DIP2A: variants seen among roughly 807,000 people sequenced by gnomAD.
DIP2A encodes disco-interacting protein 2 homolog A.
In DIP2A, 85 loss-of-function variants were observed where a neutral mutation model predicts 177.4. That is an observed-to-expected ratio of 0.48 (90% CI 0.40 to 0.57). The LOEUF is 0.57. DIP2A is among the 20% of genes least tolerant of loss of function. The pLI is 0.00. For missense variants in DIP2A, 1,791 were observed against 2,100.2 expected (o/e 0.85, Z 2.88); for synonymous variants, 886 against 881.8 (o/e 1.00, Z -0.08).
intron 36 of DIP2A, among the ~76,000 whole-genome samples, chr21:46,566,335 G>A (rs150097903): frequency 7.2e-5 from 11 of 152,132 alleles, no homozygotes; most frequent in Non-Finnish European, 1.2e-4. Flanking sequence ...TTAATAATAC[G>A]CTCACACTTG....
chr21:46,532,075 G>A, intron 9 of DIP2A, 52 bp from the exon 10 acceptor site: 3 of 1,520,734 alleles, frequency 2.0e-6, no homozygotes, highest in Non-Finnish European at 2.7e-6. Context: ...AATTTAACTA[G>A]ATATTGTAAA....
Position 46,557,314 on chromosome 21 carries a change from A to G in DIP2A, c.3629+245A>G. The G allele has an allele frequency of 1.6e-6, 1 of 622,848 alleles. No individual in the cohort carries two copies. The allele number at this position is 622,848 out of a possible 1,614,324, so 38.6% of individuals were successfully genotyped here. ...TCTGCTTGATTCCTTCAAACACTAGAAAGTGGCGATCCGTCTCTAGAAGTG... is the reference window on the plus strand; with the variant it reads ...TCTGCTTGATTCCTTCAAACACTAGGAAGTGGCGATCCGTCTCTAGAAGTG... On this transcript the variant is annotated intron_variant, in intron 30 of 37. Transcript: ENST00000417564. This position sits in a 1 kb window ranked among gnomAD's most constrained non-coding sequence, Gnocchi z 6.0.
chr21:46,556,682 CAAA>C lies in DIP2A; in HGVS notation c.3499-245_3499-243del, dbSNP rs1246910364. ...TGGGCGACAGAGCAAGACTCTGCCT[CAAA>C]AAAAAAAAAAAGAAAAAAATTTTAA... is the stretch of plus-strand genomic sequence containing the variant. On this transcript the variant is annotated intron_variant, in intron 29 of 37. Coordinates refer to ENST00000417564, the MANE Select transcript of DIP2A (RefSeq NM_015151.4). This position sits in a 1 kb window ranked among gnomAD's most constrained non-coding sequence, Gnocchi z 4.5. 2.3e-3 allele frequency: 522 copies of C among 229,622 alleles called. No homozygotes were observed. Among genetic ancestry groups the C allele is most frequent in the South Asian group, 3.8e-3 (58 of 15,100 alleles). The allele number at this position is 229,622 out of a possible 1,614,324, so 14.2% of individuals were successfully genotyped here. A position where few individuals can be genotyped will look rare whatever the true frequency, so the allele number is the denominator to read the frequency against.
intron 35 of DIP2A, 113 bp from the exon 36 acceptor site, chr21:46,565,600 C>A: frequency 8.9e-7 from 1 of 1,117,422 alleles, no homozygotes. Flanking sequence ...TTATCCGCCC[C>A]GACTTCGTTC....
chr21:46,529,020 G>C, intron 8 of DIP2A, 72 bp from the exon 9 acceptor site: 1 of 936,792 alleles, frequency 1.1e-6, no homozygotes, highest in Non-Finnish European at 1.6e-6. Context: ...GGGGTATTTT[G>C]GTTTCTACAT....
At chr21:46,550,059 A>G in intron 22 of DIP2A, 174 bp downstream of exon 22, 1 of 1,411,718 alleles carries the variant, frequency 7.1e-7, no homozygotes, top group Non-Finnish European at 9.3e-7. Flanking sequence ...TTTACGGGAT[A>G]CAAAGTGATG....
intron 34 of DIP2A, among the ~76,000 whole-genome samples, chr21:46,562,880 G>A (rs1320657625): frequency 6.6e-6 from 1 of 152,194 alleles, no homozygotes; most frequent in Non-Finnish European, 1.5e-5. Context: ...AGCCGCCATC[G>A]CACACAGCTC....
intron 10 of DIP2A, 33 bp from the exon 11 acceptor site, chr21:46,533,491 C>A: frequency 6.2e-7 from 1 of 1,603,990 alleles, no homozygotes; most frequent in Non-Finnish European, 8.5e-7. Flanking sequence ...GCTGTGAGCA[C>A]CCCACCCCAC....
intron 20 of DIP2A, chr21:46,546,224 G>A (rs1485106204): frequency 2.6e-5 from 34 of 1,288,416 alleles, no homozygotes; most frequent in Non-Finnish European, 3.3e-5. Context: ...TATATGGAGT[G>A]GCAGGTTTGT....
intron 8 of DIP2A, among the ~76,000 whole-genome samples, chr21:46,518,546 A>C (rs9981212): frequency 0.36 from 54,176 of 152,120 alleles, 10,000 homozygotes; most frequent in Middle Eastern, 0.45. Context: ...TACCCCTTGA[A>C]TCTTTTACAC....
chr21:46,546,299 A>G (rs1396045989), intron 20 of DIP2A: 16 of 1,077,758 alleles, frequency 1.5e-5, no homozygotes, highest in East Asian at 1.2e-4. Flanking sequence ...AAATGCTTCT[A>G]TTTGTAACAT....
chr21:46,536,172 A>G lies in DIP2A; in HGVS notation c.1643-1052A>G, dbSNP rs114957000. Among the ~76,000 whole-genome samples, 550 of 152,346 alleles carry G rather than the reference A, an allele frequency of 3.6e-3. 3 individuals carry two copies. Among genetic ancestry groups the G allele is most frequent in the African/African-American group, 0.012 (511 of 41,578 alleles). Reference sequence around the variant, plus strand: ...GTACTGTTATTCATGGTGCAACAGCATTTCCTGGCACACAAATCAAACCTC... The same window carrying G: ...GTACTGTTATTCATGGTGCAACAGCGTTTCCTGGCACACAAATCAAACCTC... On this transcript the variant is annotated intron_variant, in intron 13 of 37. Coordinates refer to ENST00000417564, the MANE Select transcript of DIP2A (RefSeq NM_015151.4).
chr21:46,481,556 C>A (rs1465626027), intron 1 of DIP2A, among the ~76,000 whole-genome samples: 2 of 152,166 alleles, frequency 1.3e-5, no homozygotes, highest in Non-Finnish European at 2.9e-5. Flanking sequence ...AGTGGCTATA[C>A]CATTTTGCAT....
At chr21:46,534,524 A>G (rs1417857691) in intron 12 of DIP2A, 61 bp from the exon 13 acceptor site, 7 of 1,485,230 alleles carry the variant, frequency 4.7e-6, no homozygotes, top group Non-Finnish European at 6.5e-6. Flanking sequence ...ACCAGTTTCC[A>G]TTCTGTCTGT....
rs1436451239 is a variant in DIP2A, at chr21:46,557,806, A to G, written c.3798+53A>G. 1.3e-6 allele frequency: 2 copies of G among 1,565,024 alleles called. No individual in the cohort carries two copies. Among genetic ancestry groups the G allele is most frequent in the African/African-American group, 1.4e-5 (1 of 73,616 alleles). The stretch of plus-strand genomic sequence containing the variant: ...TGTGCTGCAGACCACAGCCCTGGGA[A>G]GTTTAAAAACAACAAAACAAAACAA... On this transcript the variant is annotated intron_variant, in intron 31 of 37. Coordinates refer to ENST00000417564, the MANE Select transcript of DIP2A (RefSeq NM_015151.4). This position sits in a 1 kb window ranked among gnomAD's most constrained non-coding sequence, Gnocchi z 6.0.
At chr21:46,502,371 A>T (rs1424441365) in intron 5 of DIP2A, among the ~76,000 whole-genome samples, 1 of 146,380 alleles carries the variant, frequency 6.8e-6, no homozygotes, top group Non-Finnish European at 1.5e-5. Flanking sequence ...GGCTCAAGTG[A>T]TCCTCCTGCC....
chr21:46,561,784 G>T lies in DIP2A; in HGVS notation c.4068G>T (p.Leu1356=), dbSNP rs1378394643. The change falls in exon 34 of 38, where the codon CTG becomes CTT. Residue 1356 remains leucine (L), a synonymous_variant. Transcript: ENST00000417564. ...RLVERGSPHS[L]PLMESGKILP... Reference sequence around the variant, plus strand: ...TAGAACGGGGTTCTCCGCACAGCCTGCCATTGATGGAGTCTGGAAAGGTAG... The same window carrying T: ...TAGAACGGGGTTCTCCGCACAGCCTTCCATTGATGGAGTCTGGAAAGGTAG... 1.2e-6 allele frequency: 2 copies of T among 1,613,834 alleles called. No homozygotes were observed. Among genetic ancestry groups the T allele is most frequent in the African/African-American group, 1.3e-5 (1 of 74,914 alleles).
At chr21:46,499,140 T>A (rs922431464) in intron 5 of DIP2A, among the ~76,000 whole-genome samples, 1 of 152,206 alleles carries the variant, frequency 6.6e-6, no homozygotes, top group Non-Finnish European at 1.5e-5. Flanking sequence ...AGTTGCAAAT[T>A]TTTTCCCCCA....
the DIP2A span, among the ~76,000 whole-genome samples, chr21:46,578,703 A>G: frequency 5.3e-5 from 8 of 152,306 alleles, no homozygotes; most frequent in East Asian, 3.9e-4. Context: ...TTCTGTGTCT[A>G]TTGATATAAT....
Sources: allele counts gnomAD v4.1 joint callset (sites outside exome capture counted in the v4.1 genomes callset), GRCh38; gene constraint gnomAD v4.1.1; non-coding constraint Gnocchi (gnomAD v3.1); transcripts MANE v1.5; gene names NCBI Gene and HGNC (gene_info 2026-07-23, HGNC 2026-07-21).